The following DNM3 variants were observed in gnomAD, a reference collection of about 807,000 sequenced individuals.
DNM3 encodes the protein dynamin 3.
In DNM3, 47 loss-of-function variants were observed where a neutral mutation model predicts 101.6. The observed-to-expected ratio is 0.46, with a 90% confidence interval of 0.37 to 0.59. The LOEUF is 0.59. Among genes scored for constraint, DNM3 ranks in the 20% least tolerant of loss-of-function variants. The pLI is 0.00. For missense variants in DNM3, 849 were observed against 1,085.7 expected (o/e 0.78, Z 3.06); for synonymous variants, 385 against 387.9 (o/e 0.99, Z 0.09).
At chr1:172,169,228 A>G (rs2058860520) in intron 14 of DNM3, among the ~76,000 whole-genome samples, 1 of 151,844 alleles carries the variant, frequency 6.6e-6, no homozygotes, top group South Asian at 2.1e-4. Flanking sequence ...CCTCTCTACC[A>G]ATTCTCCATC....
chr1:171,894,767 T>C (rs2037624059), intron 1 of DNM3, among the ~76,000 whole-genome samples: 1 of 150,784 alleles, frequency 6.6e-6, no homozygotes, highest in Admixed American at 6.7e-5. Context: ...CCCTGGTGTA[T>C]GATGTTCCCT....
downstream of DNM3, among the ~76,000 whole-genome samples, chr1:172,416,407 C>CT (rs1461814126): frequency 6.6e-6 from 1 of 152,112 alleles, no homozygotes; most frequent in Non-Finnish European, 1.5e-5. Flanking sequence ...AACAACAATG[C>CT]TTTTTCAGCA....
intron 2 of DNM3, among the ~76,000 whole-genome samples, chr1:171,937,300 A>T (rs12046777): frequency 0.14 from 21,571 of 152,080 alleles, 1,878 homozygotes; most frequent in East Asian, 0.33. Flanking sequence ...CCATTGTAAC[A>T]AATTAACCTC....
At chr1:172,096,473 A>T (rs2147847083) in intron 13 of DNM3, among the ~76,000 whole-genome samples, 1 of 152,324 alleles carries the variant, frequency 6.6e-6, no homozygotes, top group Non-Finnish European at 1.5e-5. Context: ...GGAAAAGCTG[A>T]TGAATTCAAG....
At chr1:172,203,264 G>A (rs924286874) in intron 14 of DNM3, among the ~76,000 whole-genome samples, 3 of 152,102 alleles carry the variant, frequency 2.0e-5, no homozygotes, top group Non-Finnish European at 2.9e-5. Context: ...CTTTCCAGAC[G>A]CTGTGTTTAG....
At chr1:172,247,730 G>T (rs771959948) in intron 14 of DNM3, among the ~76,000 whole-genome samples, 14 of 150,734 alleles carry the variant, frequency 9.3e-5, no homozygotes, top group Non-Finnish European at 1.6e-4. Flanking sequence ...TGTCACCCAG[G>T]CTGGAGTGCA....
intron 15 of DNM3, among the ~76,000 whole-genome samples, chr1:172,279,533 A>G (rs964147362): frequency 6.6e-6 from 1 of 152,118 alleles, no homozygotes; most frequent in African/African-American, 2.4e-5. Context: ...CTAAAGGTAC[A>G]CATCCAACTC....
At chr1:172,026,396 CAGG>C (rs2048205599) in intron 4 of DNM3, among the ~76,000 whole-genome samples, 1 of 152,058 alleles carries the variant, frequency 6.6e-6, no homozygotes. Context: ...GGATATTATC[CAGG>C]AGAACTTCCC....
chr1:172,096,178 A>G (rs938074487), intron 13 of DNM3, among the ~76,000 whole-genome samples: 3 of 152,288 alleles, frequency 2.0e-5, no homozygotes, highest in East Asian at 1.9e-4. Flanking sequence ...CTCCCTTCCC[A>G]ATGTCTTTCA....
At chr1:172,217,812 G>A (rs2060760142) in intron 14 of DNM3, among the ~76,000 whole-genome samples, 1 of 152,058 alleles carries the variant, frequency 6.6e-6, no homozygotes, top group South Asian at 2.1e-4. Flanking sequence ...GGTTGTGGGA[G>A]GGAAATCACA....
intron 15 of DNM3, among the ~76,000 whole-genome samples, chr1:172,303,173 A>G (rs2064559578): frequency 6.6e-6 from 1 of 152,202 alleles, no homozygotes; most frequent in African/African-American, 2.4e-5. Flanking sequence ...TAAAGAGTGT[A>G]GAGAAGACCT....
chr1:172,314,813 C>A (rs2065248661), intron 16 of DNM3, among the ~76,000 whole-genome samples: 1 of 152,296 alleles, frequency 6.6e-6, no homozygotes, highest in African/African-American at 2.4e-5. Flanking sequence ...GGGGGCAGGG[C>A]ACAGACAAAC....
intron 14 of DNM3, among the ~76,000 whole-genome samples, chr1:172,195,360 C>T (rs993986231): frequency 6.6e-6 from 1 of 151,870 alleles, no homozygotes; most frequent in Non-Finnish European, 1.5e-5. Context: ...ACAATTATGG[C>T]ACCTTCAAAC....
chr1:172,165,148 T>C lies in DNM3; in HGVS notation c.1659+33860T>C, dbSNP rs371011955. On this transcript the variant is annotated intron_variant, in intron 14 of 20. Transcript: ENST00000627582. ...GCATGTTAAAGACCTAACTGGTCTT[T>C]AACCTGATTCCTTTTTCAAAAATAC... Among the ~76,000 whole-genome samples, 27 of 152,230 alleles carry C rather than the reference T, an allele frequency of 1.8e-4. No individual in the cohort carries two copies. In the South Asian group the frequency reaches 5.2e-3, roughly 29 times the overall value.
intron 2 of DNM3, among the ~76,000 whole-genome samples, chr1:171,949,098 A>T (rs2042343527): frequency 6.6e-6 from 1 of 152,178 alleles, no homozygotes; most frequent in Non-Finnish European, 1.5e-5. Flanking sequence ...TCACTTCCCT[A>T]TTCATAGACT....
chr1:172,343,122 A>G (rs1472560901), intron 17 of DNM3, among the ~76,000 whole-genome samples: 1 of 152,222 alleles, frequency 6.6e-6, no homozygotes, highest in Non-Finnish European at 1.5e-5. Flanking sequence ...CATAATTTCA[A>G]TTAACATAAA....
chr1:172,101,224 G>T (rs987731451), intron 13 of DNM3, among the ~76,000 whole-genome samples: 1 of 152,172 alleles, frequency 6.6e-6, no homozygotes, highest in Non-Finnish European at 1.5e-5. Context: ...TGTGTATGTT[G>T]TCTTTTTAAA....
At chr1:172,020,298 C>T (rs570861389) in intron 4 of DNM3, among the ~76,000 whole-genome samples, 9 of 152,194 alleles carry the variant, frequency 5.9e-5, no homozygotes, top group African/African-American at 2.2e-4. Flanking sequence ...TATTTTTCTT[C>T]CCCTATATAG....
intron 13 of DNM3, among the ~76,000 whole-genome samples, chr1:172,103,494 C>T (rs996333245): frequency 3.3e-5 from 5 of 152,112 alleles, no homozygotes; most frequent in Admixed American, 6.5e-5. Flanking sequence ...TAGTGTTCTA[C>T]AGTATGGATG....
Sources: allele counts gnomAD v4.1 joint callset (sites outside exome capture counted in the v4.1 genomes callset), GRCh38; gene constraint gnomAD v4.1.1; transcripts MANE v1.5; gene names NCBI Gene and HGNC (gene_info 2026-07-23, HGNC 2026-07-21).